ANKFY1: variants seen among roughly 807,000 people sequenced by gnomAD.
The protein encoded by ANKFY1 is ankyrin repeat and FYVE domain-containing protein 1.
In ANKFY1, 47 loss-of-function variants were observed where a neutral mutation model predicts 128.3. The observed-to-expected ratio is 0.37, with a 90% confidence interval of 0.29 to 0.47. The LOEUF (loss-of-function observed/expected upper bound fraction) is 0.47, where lower values mean the gene tolerates loss of function less well. ANKFY1 is among the 20% of genes least tolerant of loss of function. The pLI is 1.00. For missense variants in ANKFY1, 1,222 were observed against 1,510.6 expected, an observed-to-expected ratio of 0.81 and a Z score of 3.17; for synonymous variants, 553 against 601.6, an observed-to-expected ratio of 0.92 and a Z score of 1.18.
Position 4,185,896 on chromosome 17 carries a change from G to A in ANKFY1, c.1471-850C>T, listed in dbSNP as rs181730520. Among the ~76,000 whole-genome samples the A allele has an allele frequency of 1.6e-4, 25 of 152,182 alleles. No homozygotes were observed. In the East Asian group the frequency reaches 4.4e-3, roughly 27 times the overall value. The stretch of plus-strand genomic sequence containing the variant: ...AATCGGCAGCCTTAACGCTGTGGCC[G>A]TCGCTTCTTCTTTAGCTCCGTCTCT... On this transcript the variant is annotated intron_variant, in intron 11 of 24. Coordinates refer to ENST00000341657, the MANE Select transcript of ANKFY1 (RefSeq NM_001330063.2).
chr17:4,176,975 ACAC>A, intron 19 of ANKFY1, 148 bp downstream of exon 19: 1 of 763,364 alleles, frequency 1.3e-6, no homozygotes, highest in Non-Finnish European at 1.9e-6. Context: ...GCAGCCCTTG[ACAC>A]CAGTTTCCTG....
chr17:4,183,764 C>T (rs776682205), intron 13 of ANKFY1, 48 bp downstream of exon 13: 2 of 1,554,636 alleles, frequency 1.3e-6, no homozygotes, highest in African/African-American at 1.4e-5. Flanking sequence ...GGCCCCACTT[C>T]GGACAGCTGT....
At chr17:4,220,913 G>C (rs533253515) in intron 3 of ANKFY1, among the ~76,000 whole-genome samples, 2 of 152,300 alleles carry the variant, frequency 1.3e-5, no homozygotes, top group African/African-American at 4.8e-5. Context: ...AAAGCAGTTG[G>C]CCTCCGAGTC....
At chr17:4,223,834 TCTCTC>T in intron 3 of ANKFY1, 1 of 1,226,106 alleles carries the variant, frequency 8.2e-7, no homozygotes, top group Admixed American at 2.0e-5. Flanking sequence ...GTCTGACTCT[TCTCTC>T]GCAATCCCAC....
At chr17:4,200,327 G>A (rs1486557152) in intron 7 of ANKFY1, among the ~76,000 whole-genome samples, 1 of 152,194 alleles carries the variant, frequency 6.6e-6, no homozygotes, top group African/African-American at 2.4e-5. Context: ...GCCTCCCAAA[G>A]TGTTGGGATT....
At chr17:4,177,437 G>T in intron 18 of ANKFY1, 135 bp from the exon 19 acceptor site, 1 of 725,098 alleles carries the variant, frequency 1.4e-6, no homozygotes. Context: ...CCCCTCCCAA[G>T]AATGAACATG....
At chr17:4,172,415 C>T (rs2305504) in intron 22 of ANKFY1, 141 bp downstream of exon 22, 41 of 1,185,664 alleles carry the variant, frequency 3.5e-5, no homozygotes, top group East Asian at 2.9e-4. Flanking sequence ...CAACAGGGCT[C>T]TGTAACTCAC....
intron 2 of ANKFY1, among the ~76,000 whole-genome samples, chr17:4,236,513 G>T (rs1389853335): frequency 6.6e-6 from 1 of 151,638 alleles, no homozygotes; most frequent in East Asian, 1.9e-4. Flanking sequence ...CCATAATTAT[G>T]ACATGCCATT....
intron 4 of ANKFY1, among the ~76,000 whole-genome samples, chr17:4,214,502 A>G (rs1036777175): frequency 1.8e-4 from 27 of 152,042 alleles, no homozygotes; most frequent in African/African-American, 6.3e-4. Context: ...GGACACAGAG[A>G]TACAAAAACG....
rs762702001 is a variant in ANKFY1, at chr17:4,242,261, C to G, written c.198G>C (p.Gln66His). 5.1e-6 allele frequency: 8 copies of G among 1,575,938 alleles called. No individual in the cohort carries two copies. Among genetic ancestry groups the G allele is most frequent in the Admixed American group, 2.0e-5 (1 of 51,178 alleles). Reference protein sequence around the residue: ...AIVADLYEQEQYSDLKIKVGD... With the variant: ...AIVADLYEQEHYSDLKIKVGD... ...GTGTCTAGGAGCTCTCCCACCTGTACTGCTCCTGCTCGTAGAGGTCTGCCA... is the reference window on the plus strand; with the variant it reads ...GTGTCTAGGAGCTCTCCCACCTGTAGTGCTCCTGCTCGTAGAGGTCTGCCA... The change falls in exon 2 of 25, where the codon CAG (glutamine) becomes CAC (histidine). Residue 66 changes from glutamine to histidine, a missense_variant. Transcript: ENST00000341657.
chr17:4,184,868 G>A lies in ANKFY1; in HGVS notation c.1649C>T (p.Ala550Val), dbSNP rs765353710. The change falls in exon 12 of 25, where the codon GCG (alanine) becomes GTG (valine). Residue 550 changes from alanine to valine, a missense_variant. Ala to Val is a moderately conservative substitution (Grantham distance 64). Transcript: ENST00000341657. The stretch of plus-strand genomic sequence containing the variant: ...CACATCCGGATGGTTATAGGCGATC[G>A]CCATGTGCAGTGGCGTCTGCAGATG... ...SVHLQTPLHM[A>V]IAYNHPDVVS... The A allele has an allele frequency of 6.8e-6, 11 of 1,613,742 alleles. No individual in the cohort carries two copies. Among genetic ancestry groups the A allele is most frequent in the Admixed American group, 1.7e-5 (1 of 60,004 alleles).
At chr17:4,202,981 C>CACACATATATATAT (rs56856304) in intron 7 of ANKFY1, among the ~76,000 whole-genome samples, 3 of 146,236 alleles carry the variant, frequency 2.1e-5, no homozygotes, top group African/African-American at 7.5e-5. Context: ...TAATCATACA[C>CACACATATATATAT]ATATATATAT....
At chr17:4,172,745 G>T in intron 21 of ANKFY1, 65 bp from the exon 22 acceptor site, 1 of 1,580,334 alleles carries the variant, frequency 6.3e-7, no homozygotes. Flanking sequence ...AAAATAAATA[G>T]AATTTTCTGA....
intron 4 of ANKFY1, among the ~76,000 whole-genome samples, chr17:4,212,014 G>C (rs2060142320): frequency 6.6e-6 from 1 of 152,222 alleles, no homozygotes; most frequent in Non-Finnish European, 1.5e-5. Flanking sequence ...TAGTCTGGAA[G>C]ATATGGCATT....
In ANKFY1 at chr17:4,164,789, A is replaced by G. The variant is rs1186820924; in HGVS notation, c.*2990T>C. The G allele has an allele frequency of 2.5e-5, 3 of 121,670 alleles. No individual in the cohort carries two copies. The highest frequency in any genetic ancestry group is 9.4e-5 in the African/African-American group (3 of 32,068). The allele number at this position is 121,670 out of a possible 1,614,324, so 7.5% of individuals were successfully genotyped here. A position where few individuals can be genotyped will look rare whatever the true frequency, so the allele number is the denominator to read the frequency against. ...GGGGAGGAGTGGAGAAACCACACAC[A>G]CACTGAGATCCACACAGGGACCCAT... On this transcript the variant is annotated 3_prime_UTR_variant, in exon 25 of 25. Transcript: ENST00000341657.
intron 23 of ANKFY1, among the ~76,000 whole-genome samples, 194 bp downstream of exon 23, chr17:4,170,521 G>A (rs780359466): frequency 6.6e-6 from 1 of 152,184 alleles, no homozygotes; most frequent in African/African-American, 2.4e-5. Flanking sequence ...TTTGAAAAGA[G>A]ACTGTTCACA....
intron 3 of ANKFY1, among the ~76,000 whole-genome samples, chr17:4,221,449 C>A (rs893137689): frequency 1.3e-5 from 2 of 152,142 alleles, no homozygotes; most frequent in Middle Eastern, 3.2e-3. Flanking sequence ...TGGCCTTAAG[C>A]AATTCTCCTG....
At chr17:4,179,407 G>A in intron 17 of ANKFY1, 1 of 513,952 alleles carries the variant, frequency 1.9e-6, no homozygotes, top group Non-Finnish European at 3.5e-6. Context: ...ACTCAGGGGT[G>A]CTCAAGTGAG....
intron 1 of ANKFY1, among the ~76,000 whole-genome samples, chr17:4,252,009 G>A (rs1336833042): frequency 6.7e-6 from 1 of 149,544 alleles, no homozygotes; most frequent in Admixed American, 6.7e-5. Context: ...ACTCAACCCT[G>A]GGCAACAGAA....
Sources: gnomAD v4.1 joint callset for allele counts (sites outside exome capture counted in the v4.1 genomes callset) on GRCh38, gnomAD v4.1.1 for gene constraint, MANE v1.5 for transcripts, NCBI Gene and HGNC (gene_info 2026-07-23, HGNC 2026-07-21) for gene names.